Variants in NFX1 observed in about 807,000 individuals in gnomAD.
NFX1 encodes transcriptional repressor NF-X1.
Under a neutral mutation model 137.2 loss-of-function variants are expected in NFX1, and 69 were observed. The observed-to-expected ratio is 0.50, with a 90% CI of 0.41 to 0.61. NFX1 has a LOEUF of 0.61. Among genes scored for constraint, NFX1 ranks in the 20% least tolerant of loss-of-function variants. The pLI, the probability that NFX1 is intolerant of heterozygous loss-of-function variation, is 0.00. For synonymous variants in NFX1, 495 were observed against 474.1 expected (o/e 1.04, Z -0.57); for missense variants, 1,167 against 1,391.0 (o/e 0.84, Z 2.56).
intron 5 of NFX1, among the ~76,000 whole-genome samples, chr9:33,310,315 A>G (rs978069923): frequency 3.9e-5 from 6 of 151,946 alleles, no homozygotes; most frequent in African/African-American, 1.5e-4. Flanking sequence ...TACCCCTCCT[A>G]CTCCAAAAAC....
intron 11 of NFX1, 94 bp from the exon 12 acceptor site, chr9:33,338,411 CTATTG>C: frequency 9.8e-7 from 1 of 1,021,870 alleles, no homozygotes; most frequent in Non-Finnish European, 1.5e-6. Flanking sequence ...TGTATTATTA[CTATTG>C]TATTCTTTGA....
At chr9:33,307,834 G>A (rs1169554695) in intron 5 of NFX1, among the ~76,000 whole-genome samples, 1 of 99,316 alleles carries the variant, frequency 1.0e-5, no homozygotes, top group Admixed American at 1.4e-4. Context: ...GTCTCGCTTT[G>A]TCACCCAGGC....
At chr9:33,362,916 C>G (rs1252239524) in intron 19 of NFX1, among the ~76,000 whole-genome samples, 1 of 151,886 alleles carries the variant, frequency 6.6e-6, no homozygotes, top group Non-Finnish European at 1.5e-5. Flanking sequence ...GTTGGTCAGG[C>G]TGGTCTCGAG....
intron 9 of NFX1, among the ~76,000 whole-genome samples, chr9:33,323,224 T>G (rs1242259222): frequency 6.6e-6 from 1 of 152,098 alleles, no homozygotes; most frequent in Non-Finnish European, 1.5e-5. Context: ...GAAAATAGAC[T>G]TCACTGAAAT....
Position 33,290,552 on chromosome 9 carries a change from A to G in NFX1, c.-21A>G. ...AGTGCTGACTTGGCTGTACAGCTCG[A>G]TCTAGGTTCTGCGGCACGGGATGGC... is the stretch of plus-strand genomic sequence containing the variant. On this transcript the variant is annotated 5_prime_UTR_variant, in exon 1 of 24. Coordinates refer to ENST00000379540, the MANE Select transcript of NFX1 (RefSeq NM_002504.6). 6.2e-7 allele frequency: 1 copy of G among 1,613,910 alleles called. No individual in the cohort carries two copies. Among genetic ancestry groups the G allele is most frequent in the Middle Eastern group, 1.6e-4 (1 of 6,062 alleles).
In NFX1 at chr9:33,370,585, G is replaced by A. The variant is rs1824297714; in HGVS notation, c.*607G>A. On this transcript the variant is annotated 3_prime_UTR_variant, in exon 24 of 24. Coordinates refer to ENST00000379540, the MANE Select transcript of NFX1 (RefSeq NM_002504.6). ...GAACTTATTTTGGCATTTTCAATGTGATCAGTTCTAGACCTAGAAGGGGGT... is the reference window on the plus strand; with the variant it reads ...GAACTTATTTTGGCATTTTCAATGTAATCAGTTCTAGACCTAGAAGGGGGT... 2 of 152,406 alleles carry A rather than the reference G, an allele frequency of 1.3e-5. No homozygotes were observed. Among genetic ancestry groups the A allele is most frequent in the Admixed American group, 1.3e-4 (2 of 15,274 alleles). 9.4% of individuals were successfully genotyped at this position (152,406 alleles called of 1,614,324 possible).
chr9:33,356,602 T>C (rs1783538217), intron 19 of NFX1, among the ~76,000 whole-genome samples: 1 of 152,216 alleles, frequency 6.6e-6, no homozygotes, highest in Non-Finnish European at 1.5e-5. Flanking sequence ...AATATTCTGT[T>C]ATTATCTAGA....
intron 9 of NFX1, among the ~76,000 whole-genome samples, chr9:33,321,196 A>G (rs1411213413): frequency 6.6e-6 from 1 of 152,164 alleles, no homozygotes; most frequent in Non-Finnish European, 1.5e-5. Flanking sequence ...GGGTAATGCA[A>G]AGGGACTTGA....
chr9:33,313,449 A>T (rs569697662), intron 6 of NFX1, among the ~76,000 whole-genome samples: 1 of 152,078 alleles, frequency 6.6e-6, no homozygotes, highest in East Asian at 1.9e-4. Context: ...CAAAAACAAA[A>T]ACAGAAGAAG....
At chr9:33,344,631 G>A (rs935900058) in intron 14 of NFX1, among the ~76,000 whole-genome samples, 2 of 148,946 alleles carry the variant, frequency 1.3e-5, no homozygotes, top group African/African-American at 5.0e-5. Flanking sequence ...CTTTGGGAGA[G>A]CAAGGAGGGG....
At chr9:33,318,106 A>C (rs1312621871) in intron 7 of NFX1, among the ~76,000 whole-genome samples, 1 of 149,504 alleles carries the variant, frequency 6.7e-6, no homozygotes, top group Admixed American at 6.7e-5. Context: ...TTTTTATTGT[A>C]TATGTGATTT....
At position 33,313,757 on chromosome 9, in the gene NFX1, G is replaced by A. The variant is rs35268125; in HGVS notation, c.1552G>A (p.Gly518Ser). The A allele has an allele frequency of 1.9e-6, 3 of 1,613,980 alleles. No individual in the cohort carries two copies. Among genetic ancestry groups the A allele is most frequent in the African/African-American group, 2.7e-5 (2 of 74,900 alleles). Residue 518 changes from glycine to serine, a missense_variant, in exon 7 of 24, where the codon GGT becomes AGT. By Grantham distance (56) the Gly-to-Ser change is moderately conservative. This residue lies in a region of NFX1 where 488 missense variants were observed against 691.5 expected (regional missense o/e 0.71). Coordinates refer to ENST00000379540, the MANE Select transcript of NFX1 (RefSeq NM_002504.6). ...CCAGTGTGCTGAGCTGTGCCATGGG[G>A]GTCAGTGCCAGCCTTGCCAGATCAT... is the stretch of plus-strand genomic sequence containing the variant. ...QHQCAELCHG[G>S]QCQPCQIILN...
At chr9:33,331,028 C>T (rs1587848440) in intron 10 of NFX1, among the ~76,000 whole-genome samples, 1 of 151,740 alleles carries the variant, frequency 6.6e-6, no homozygotes, top group African/African-American at 2.4e-5. Context: ...TAGCCAGGCA[C>T]GGTGGTGGGC....
At chr9:33,358,519 GC>G (rs927536053) in intron 19 of NFX1, among the ~76,000 whole-genome samples, 51 of 151,844 alleles carry the variant, frequency 3.4e-4, no homozygotes, top group African/African-American at 1.2e-3. Context: ...AAAAAAAAAT[GC>G]AAATTACAAG....
intron 15 of NFX1, chr9:33,347,660 C>T (rs753391467): frequency 2.4e-6 from 1 of 410,320 alleles, no homozygotes; most frequent in South Asian, 1.8e-5. Context: ...CCGTTTGATC[C>T]AGCAGTCCCA....
chr9:33,338,188 C>G (rs926037670), intron 11 of NFX1, among the ~76,000 whole-genome samples: 1 of 151,896 alleles, frequency 6.6e-6, no homozygotes, highest in Admixed American at 6.6e-5. Flanking sequence ...AACCCTGCCT[C>G]TACTAAAAAT....
chr9:33,368,047 AAC>A (rs1415349649), intron 23 of NFX1, among the ~76,000 whole-genome samples: 1 of 152,218 alleles, frequency 6.6e-6, no homozygotes, highest in African/African-American at 2.4e-5. Context: ...CAGCCTGGCC[AAC>A]AAGGTGAAAA....
intron 19 of NFX1, among the ~76,000 whole-genome samples, chr9:33,358,962 G>A (rs2118670253): frequency 6.6e-6 from 1 of 151,710 alleles, no homozygotes; most frequent in African/African-American, 2.4e-5. Context: ...GCCTTCCAAA[G>A]TGCTGGGTTT....
At chr9:33,293,458 T>C (rs1821233217) in intron 1 of NFX1, among the ~76,000 whole-genome samples, 1 of 152,240 alleles carries the variant, frequency 6.6e-6, no homozygotes, top group Admixed American at 6.5e-5. Flanking sequence ...CTTGCTTTAC[T>C]CTTCACTGCA....
Sources: allele counts gnomAD v4.1 joint callset (sites outside exome capture counted in the v4.1 genomes callset), GRCh38; gene constraint gnomAD v4.1.1; regional missense constraint gnomAD v4.1.1; transcripts MANE v1.5; gene names NCBI Gene and HGNC (gene_info 2026-07-23, HGNC 2026-07-21).